The following COL8A1 variants were observed in gnomAD, a reference collection of about 807,000 sequenced individuals.
The protein encoded by COL8A1 is collagen alpha-1(VIII) chain.
Under a neutral mutation model 42.7 loss-of-function variants are expected in COL8A1, and 21 were observed. The ratio of observed to expected loss-of-function variants is 0.49; its 90% CI spans 0.35 to 0.71. The LOEUF is 0.71. Ranked by LOEUF, COL8A1 falls within the 30% of genes least tolerant of loss-of-function variation. The pLI, the probability that COL8A1 is intolerant of heterozygous loss-of-function variation, is 0.01. For missense variants in COL8A1, 788 were observed against 962.4 expected, an observed-to-expected ratio of 0.82 and a Z score of 2.40; for synonymous variants, 367 against 369.1, an observed-to-expected ratio of 0.99 and a Z score of 0.06.
intron 3 of COL8A1, among the ~76,000 whole-genome samples, chr3:99,792,922 ATAACTC>A (rs1307288907): frequency 6.6e-6 from 1 of 152,254 alleles, no homozygotes. Context: ...CACACAAAAA[ATAACTC>A]TATTCTTTCC....
chr3:99,730,875 T>C (rs1397344400), intron 1 of COL8A1, among the ~76,000 whole-genome samples: 1 of 152,190 alleles, frequency 6.6e-6, no homozygotes, highest in Non-Finnish European at 1.5e-5. Context: ...TACTTAACTC[T>C]AATCAGAACC....
At chr3:99,692,712 G>T (rs923296464) in intron 1 of COL8A1, among the ~76,000 whole-genome samples, 4 of 152,238 alleles carry the variant, frequency 2.6e-5, no homozygotes, top group Admixed American at 2.6e-4. Context: ...ACCACAGACC[G>T]CATATATTAC....
At chr3:99,758,687 C>A (rs1941307354) in intron 2 of COL8A1, among the ~76,000 whole-genome samples, 3 of 152,092 alleles carry the variant, frequency 2.0e-5, no homozygotes, top group Admixed American at 2.0e-4. Flanking sequence ...GACTGGGAAC[C>A]AGGAAGGCAA....
chr3:99,652,977 C>A (rs1937895732), intron 1 of COL8A1, among the ~76,000 whole-genome samples: 3 of 152,180 alleles, frequency 2.0e-5, no homozygotes, highest in Non-Finnish European at 4.4e-5. Flanking sequence ...TGAAGTCCCA[C>A]TTTTACCACT....
intron 1 of COL8A1, among the ~76,000 whole-genome samples, chr3:99,732,669 TC>T (rs1450205359): frequency 6.6e-6 from 1 of 151,966 alleles, no homozygotes; most frequent in African/African-American, 2.4e-5. Context: ...CCAAACCATA[TC>T]ATTCTGCCCC....
intron 1 of COL8A1, among the ~76,000 whole-genome samples, chr3:99,711,121 AT>A (rs11348630): frequency 0.7 from 106,458 of 151,934 alleles, 37,915 homozygotes; most frequent in African/African-American, 0.84. Flanking sequence ...TTTCTAAATT[AT>A]TTTTTTCAAT....
intron 1 of COL8A1, among the ~76,000 whole-genome samples, chr3:99,693,843 A>T (rs778723973): frequency 1.2e-4 from 18 of 152,196 alleles, no homozygotes; most frequent in Admixed American, 9.8e-4. Flanking sequence ...TCACTCACTG[A>T]CTCACCCAGA....
At chr3:99,674,028 G>C (rs1039584134) in intron 1 of COL8A1, among the ~76,000 whole-genome samples, 3 of 151,940 alleles carry the variant, frequency 2.0e-5, no homozygotes, top group African/African-American at 7.3e-5. Context: ...CCATAACCTA[G>C]CCCAATGATT....
At chr3:99,776,279 G>GA (rs1238556918) in intron 2 of COL8A1, among the ~76,000 whole-genome samples, 2 of 152,098 alleles carry the variant, frequency 1.3e-5, no homozygotes, top group Non-Finnish European at 2.9e-5. Context: ...GAGAAAAGGG[G>GA]AAAAAACAGA....
At chr3:99,773,828 T>TAG (rs1941632704) in intron 2 of COL8A1, among the ~76,000 whole-genome samples, 1 of 72,606 alleles carries the variant, frequency 1.4e-5, no homozygotes, top group African/African-American at 6.1e-5. Flanking sequence ...TATATATATA[T>TAG]ATATATATAT....
chr3:99,755,006 C>G (rs114958684), intron 2 of COL8A1, among the ~76,000 whole-genome samples: 267 of 152,268 alleles, frequency 1.8e-3, no homozygotes, highest in African/African-American at 6.1e-3. Flanking sequence ...GTAGGGTAAA[C>G]TATCAGTACC....
chr3:99,693,302 A>G (rs528251540), intron 1 of COL8A1, among the ~76,000 whole-genome samples: 2 of 152,392 alleles, frequency 1.3e-5, no homozygotes, highest in East Asian at 1.9e-4. Flanking sequence ...CCATATTTTT[A>G]TCATTATTTT....
chr3:99,773,837 A>ATATTATATATATATATATATATATATTTT (rs1200212756), intron 2 of COL8A1, among the ~76,000 whole-genome samples: 1 of 45,400 alleles, frequency 2.2e-5, no homozygotes. Context: ...ATATATATAT[A>ATATTATATATATATATATATATATATTTT]TTTTTTTTTT....
rs1942080828 is a variant in COL8A1, at chr3:99,795,280, C to T, written c.1379C>T (p.Pro460Leu). Reference protein sequence around the residue: ...GMRGLPGPIGPKGEAGQKGVP... With the variant: ...GMRGLPGPIGLKGEAGQKGVP... ...AGGGGTTTGCCAGGTCCCATAGGGC[C>T]CAAGGGGGAAGCTGGGCAAAAAGGT... Residue 460 changes from proline (P) to leucine (L), a missense_variant, in exon 4 of 4, where the codon CCC (proline) becomes CTC (leucine). Coordinates refer to ENST00000652472, the MANE Select transcript of COL8A1 (RefSeq NM_020351.4). 6.2e-7 allele frequency: 1 copy of T among 1,612,544 alleles called. No homozygotes were observed.
In COL8A1 at chr3:99,795,529, C is replaced by T. The variant is rs529661259; in HGVS notation, c.1628C>T (p.Pro543Leu). Residue 543 changes from proline (P) to leucine (L), a missense_variant, in exon 4 of 4, where the codon CCC becomes CTC. Pro to Leu is a moderately conservative substitution (Grantham distance 98, BLOSUM62 -3). Around this residue, in one of 4 missense-constraint regions of COL8A1, gnomAD observed 154 missense variants for 182.3 expected, o/e 0.84. Coordinates refer to ENST00000652472, the MANE Select transcript of COL8A1 (RefSeq NM_020351.4). ...CCCGGAGTGGCAGGACTTCATGGCC[C>T]CCCAGGGAAGCCTGGTGCCCTTGGT... ...GKPGVAGLHGPPGKPGALGPQ... is the reference protein window; with the variant it reads ...GKPGVAGLHGLPGKPGALGPQ... 1.9e-6 allele frequency: 3 copies of T among 1,600,340 alleles called. No homozygotes were observed. Among genetic ancestry groups the T allele is most frequent in the East Asian group, 2.3e-5 (1 of 44,142 alleles).
At chr3:99,693,784 T>C (rs1939289158) in intron 1 of COL8A1, among the ~76,000 whole-genome samples, 2 of 152,188 alleles carry the variant, frequency 1.3e-5, no homozygotes, top group Admixed American at 1.3e-4. Flanking sequence ...GTTTATAAAG[T>C]CTACAATAAT....
At chr3:99,658,262 G>A (rs756738924) in intron 1 of COL8A1, among the ~76,000 whole-genome samples, 35 of 152,066 alleles carry the variant, frequency 2.3e-4, no homozygotes, top group South Asian at 1.2e-3. Context: ...GCTGTCACCA[G>A]CCCCACCCTG....
At chr3:99,749,417 T>G (rs570386564) in intron 2 of COL8A1, among the ~76,000 whole-genome samples, 2 of 151,882 alleles carry the variant, frequency 1.3e-5, no homozygotes, top group Admixed American at 6.5e-5. Flanking sequence ...TGATTTTATT[T>G]TATTCATTTA....
chr3:99,744,675 G>T, intron 1 of COL8A1, among the ~76,000 whole-genome samples: 1 of 151,948 alleles, frequency 6.6e-6, no homozygotes, highest in Admixed American at 6.5e-5. Flanking sequence ...AATTGAACTG[G>T]TGAGAACTTA....
Sources: gnomAD v4.1 joint callset for allele counts (sites outside exome capture counted in the v4.1 genomes callset) on GRCh38, gnomAD v4.1.1 for gene constraint, gnomAD v4.1.1 regional missense constraint, MANE v1.5 for transcripts, NCBI Gene and HGNC (gene_info 2026-07-23, HGNC 2026-07-21) for gene names.